Variants in NEBL observed in about 807,000 individuals in gnomAD.
NEBL encodes the protein nebulette.
A neutral mutation model predicts 140.2 loss-of-function variants in NEBL; 122 were observed. The observed-to-expected ratio is 0.87, with a 90% confidence interval of 0.75 to 1.01. The LOEUF (loss-of-function observed/expected upper bound fraction) is 1.01. Ranked by LOEUF, NEBL falls within the 50% of genes least tolerant of loss-of-function variation. The pLI is 0.00. For missense variants in NEBL, 1,365 were observed against 1,231.3 expected (o/e 1.11, Z -1.62); for synonymous variants, 436 against 398.9 (o/e 1.09, Z -1.11).
intron 14 of NEBL, among the ~76,000 whole-genome samples, chr10:20,832,831 A>AGAG (rs1178802760): frequency 1.3e-5 from 2 of 152,166 alleles, no homozygotes; most frequent in African/African-American, 4.8e-5. Flanking sequence ...TTACTGACTT[A>AGAG]CACTCCCAGT....
At chr10:20,978,115 T>C (rs1395139992) in intron 3 of NEBL, among the ~76,000 whole-genome samples, 3 of 152,102 alleles carry the variant, frequency 2.0e-5, no homozygotes, top group East Asian at 1.9e-4. Context: ...GAAATAGATA[T>C]GAAAAATAGA....
At chr10:21,045,945 T>C (rs1051623914) in intron 2 of NEBL, among the ~76,000 whole-genome samples, 2 of 152,006 alleles carry the variant, frequency 1.3e-5, no homozygotes, top group Admixed American at 1.3e-4. Context: ...CTATTCACAA[T>C]AGATAAGACA....
chr10:20,794,027 G>C (rs1052972261), intron 26 of NEBL, among the ~76,000 whole-genome samples: 1 of 152,164 alleles, frequency 6.6e-6, no homozygotes, highest in Non-Finnish European at 1.5e-5. Context: ...CTGTGGAGGC[G>C]AATGTTTGAA....
In NEBL at chr10:20,969,543, T is replaced by C. The variant is rs558822446; in HGVS notation, c.250-7764A>G. ...ACATTAAAAATGACTTTTTTTCTTT[T>C]CTTTTTTTTTTTTTTTTTTTGAGAC... On this transcript the variant is annotated intron_variant, in intron 3 of 6. Coordinates refer to the NEBL transcript ENST00000417816. Among the ~76,000 whole-genome samples the C allele has an allele frequency of 3.4e-5, 5 of 147,614 alleles. No individual in the cohort carries two copies. In the South Asian group the frequency reaches 1.1e-3, roughly 31 times the overall value.
At chr10:20,957,871 A>T (rs1411694268) in intron 4 of NEBL, among the ~76,000 whole-genome samples, 1 of 152,196 alleles carries the variant, frequency 6.6e-6, no homozygotes, top group Non-Finnish European at 1.5e-5. Flanking sequence ...AAAGTCTGTA[A>T]AAGTCTCTTG....
upstream of NEBL, chr10:20,897,391 C>G: frequency 7.2e-7 from 1 of 1,388,048 alleles, no homozygotes; most frequent in Non-Finnish European, 9.3e-7. Context: ...AGAAAAGGAT[C>G]CCAGAGGTCT....
At chr10:21,185,530 C>T (rs928136266) in intron 3 of NEBL, among the ~76,000 whole-genome samples, 1 of 119,536 alleles carries the variant, frequency 8.4e-6, no homozygotes, top group African/African-American at 3.3e-5. Context: ...TAGAGTCTAG[C>T]TCTGTCGCCC....
At chr10:20,921,583 G>A (rs1331150281) in intron 4 of NEBL, among the ~76,000 whole-genome samples, 3 of 152,096 alleles carry the variant, frequency 2.0e-5, no homozygotes, top group East Asian at 3.9e-4. Flanking sequence ...TCAGCCCAGA[G>A]GGTGGTCATG....
chr10:21,161,066 C>G (rs1840539975), intron 2 of NEBL, among the ~76,000 whole-genome samples: 1 of 152,212 alleles, frequency 6.6e-6, no homozygotes, highest in Non-Finnish European at 1.5e-5. Flanking sequence ...AATATTTCAC[C>G]TACACAGAGG....
chr10:20,801,659 C>T (rs998819958), intron 26 of NEBL, among the ~76,000 whole-genome samples: 1 of 151,936 alleles, frequency 6.6e-6, no homozygotes, highest in African/African-American at 2.4e-5. Flanking sequence ...ACAAGAGATA[C>T]TAGATAAATG....
intron 1 of NEBL, among the ~76,000 whole-genome samples, chr10:21,264,730 A>AAAAT (rs1842778581): frequency 2.8e-5 from 4 of 143,520 alleles, no homozygotes; most frequent in Non-Finnish European, 6.0e-5. Flanking sequence ...AAAAAAAAAA[A>AAAAT]AAAGCCTTAC....
intron 2 of NEBL, among the ~76,000 whole-genome samples, chr10:21,114,949 C>A (rs1838212858): frequency 6.6e-6 from 1 of 151,696 alleles, no homozygotes; most frequent in Admixed American, 6.6e-5. Context: ...TATTTGTTTT[C>A]TATTTTTCCA....
intron 3 of NEBL, among the ~76,000 whole-genome samples, chr10:20,971,283 C>A (rs962539612): frequency 6.6e-6 from 1 of 152,018 alleles, no homozygotes; most frequent in African/African-American, 2.4e-5. Flanking sequence ...TACACATAAT[C>A]CATATTTTCA....
intron 2 of NEBL, among the ~76,000 whole-genome samples, chr10:21,066,258 G>A (rs1405194577): frequency 3.3e-5 from 5 of 151,968 alleles, no homozygotes; most frequent in African/African-American, 4.8e-5. Flanking sequence ...TTACAGACCC[G>A]ACATAGGATA....
At chr10:20,963,204 T>C (rs1388243374) in intron 3 of NEBL, among the ~76,000 whole-genome samples, 1 of 152,184 alleles carries the variant, frequency 6.6e-6, no homozygotes, top group Non-Finnish European at 1.5e-5. Context: ...TGCTGAGAGA[T>C]TAGCCTTCTC....
intron 2 of NEBL, among the ~76,000 whole-genome samples, chr10:21,024,187 A>G (rs1195093792): frequency 6.6e-6 from 1 of 152,160 alleles, no homozygotes; most frequent in Non-Finnish European, 1.5e-5. Context: ...ATCTAGGACT[A>G]GAAACATATA....
intron 4 of NEBL, among the ~76,000 whole-genome samples, chr10:20,941,993 T>A (rs545723821): frequency 6.6e-6 from 1 of 152,102 alleles, no homozygotes. Flanking sequence ...GAATCAATAT[T>A]GTGAAAATGG....
At position 20,859,391 on chromosome 10, in the gene NEBL, T is replaced by C. The variant is rs116551035; in HGVS notation, c.798+322A>G. ...ACTCAATTTCATAGCCATAATTACA[T>C]GAGGTAACTACTGTCCTAACCACTA... is the stretch of plus-strand genomic sequence containing the variant. On this transcript the variant is annotated intron_variant, in intron 8 of 27. Transcript: ENST00000377122. Among the ~76,000 whole-genome samples, 340 of 152,198 alleles carry C rather than the reference T, an allele frequency of 2.2e-3. 1 individual carries two copies. Among genetic ancestry groups the C allele is most frequent in the African/African-American group, 7.9e-3 (330 of 41,584 alleles).
At chr10:21,216,459 G>T (rs929658305) in intron 3 of NEBL, among the ~76,000 whole-genome samples, 3 of 152,028 alleles carry the variant, frequency 2.0e-5, no homozygotes, top group Admixed American at 1.3e-4. Context: ...TTCAAGACCA[G>T]CCTGGCCAAC....
Sources: gnomAD v4.1 joint callset for allele counts (sites outside exome capture counted in the v4.1 genomes callset) on GRCh38, gnomAD v4.1.1 for gene constraint, MANE v1.5 for transcripts, NCBI Gene and HGNC (gene_info 2026-07-23, HGNC 2026-07-21) for gene names.